NPAS3: variants seen among roughly 807,000 people sequenced by gnomAD.
NPAS3 encodes the protein neuronal PAS domain-containing protein 3.
In NPAS3, 14 loss-of-function variants were observed where a neutral mutation model predicts 73.1. That is an observed-to-expected ratio of 0.19 (90% CI 0.13 to 0.30). The LOEUF (loss-of-function observed/expected upper bound fraction) is 0.30. Among genes scored for constraint, NPAS3 ranks in the 10% least tolerant of loss-of-function variants. The pLI, the probability that NPAS3 is intolerant of heterozygous loss-of-function variation, is 1.00. For synonymous variants in NPAS3, 620 were observed against 541.5 expected (o/e 1.14, Z -2.01); for missense variants, 1,096 against 1,250.0 (o/e 0.88, Z 1.86).
chr14:33,704,323 T>G (rs933474471), intron 6 of NPAS3, among the ~76,000 whole-genome samples: 1 of 152,196 alleles, frequency 6.6e-6, no homozygotes, highest in Admixed American at 6.5e-5. Flanking sequence ...ACAACAGAAT[T>G]GTAGCTAAAA....
chr14:33,208,601 C>T (rs1411485767), intron 2 of NPAS3, among the ~76,000 whole-genome samples: 8 of 151,970 alleles, frequency 5.3e-5, no homozygotes, highest in Non-Finnish European at 1.0e-4. Flanking sequence ...TAGCAGTTGC[C>T]GATGTTTTTT....
At chr14:32,946,542 T>C (rs2036270445) in intron 1 of NPAS3, among the ~76,000 whole-genome samples, 1 of 152,170 alleles carries the variant, frequency 6.6e-6, no homozygotes, top group Non-Finnish European at 1.5e-5. Flanking sequence ...GCAGAATATA[T>C]GCAAGATCTC....
intron 9 of NPAS3, among the ~76,000 whole-genome samples, chr14:33,786,908 C>T (rs576792805): frequency 6.6e-6 from 1 of 152,018 alleles, no homozygotes; most frequent in South Asian, 2.1e-4. Flanking sequence ...ACTCTGATAT[C>T]CCCCAGTGAC....
intron 2 of NPAS3, among the ~76,000 whole-genome samples, chr14:33,209,735 C>A (rs1330077742): frequency 6.6e-6 from 1 of 152,164 alleles, no homozygotes; most frequent in Non-Finnish European, 1.5e-5. Flanking sequence ...CTTAGAAGTA[C>A]TTTAAAAAGG....
intron 5 of NPAS3, among the ~76,000 whole-genome samples, chr14:33,589,157 G>A (rs1242182866): frequency 1.3e-5 from 2 of 152,080 alleles, no homozygotes; most frequent in African/African-American, 4.8e-5. Context: ...TGAATGTCAG[G>A]CTTATAACTA....
At chr14:33,229,314 T>A (rs1048599044) in intron 3 of NPAS3, among the ~76,000 whole-genome samples, 1 of 152,200 alleles carries the variant, frequency 6.6e-6, no homozygotes, top group Admixed American at 6.5e-5. Context: ...TTGAATGAAG[T>A]GTATTTTTAA....
At chr14:33,547,691 T>C (rs998988742) in intron 4 of NPAS3, among the ~76,000 whole-genome samples, 1 of 152,122 alleles carries the variant, frequency 6.6e-6, no homozygotes. Flanking sequence ...AATAAGAACA[T>C]AGAAGGGGCA....
chr14:33,801,302 C>T, downstream of NPAS3: 1 of 1,210,166 alleles, frequency 8.3e-7, no homozygotes. Context: ...TATTTTTTGC[C>T]TTCAGAGGGT....
At position 33,250,947 on chromosome 14, in the gene NPAS3, T is replaced by C. The variant is rs1204234306; in HGVS notation, c.385+35521T>C. On this transcript the variant is annotated intron_variant, in intron 3 of 11. Coordinates refer to ENST00000356141, the Ensembl canonical transcript of NPAS3. Reference sequence around the variant, plus strand: ...ACAACCAAACAAATGCACAAATAGATGTATTTATACTTCTCAAAAGGGGTA... The same window carrying C: ...ACAACCAAACAAATGCACAAATAGACGTATTTATACTTCTCAAAAGGGGTA... Among the ~76,000 whole-genome samples the C allele has an allele frequency of 2.0e-5, 3 of 152,132 alleles. No individual in the cohort carries two copies. In the East Asian group the frequency reaches 5.8e-4, roughly 29 times the overall value.
intron 5 of NPAS3, among the ~76,000 whole-genome samples, chr14:33,563,487 G>A (rs967032130): frequency 1.1e-4 from 15 of 132,262 alleles, no homozygotes; most frequent in African/African-American, 4.5e-4. Context: ...CTCCTCAACA[G>A]TCCTCTTGAC....
chr14:33,246,658 T>C (rs1268296637), intron 3 of NPAS3, among the ~76,000 whole-genome samples: 1 of 150,878 alleles, frequency 6.6e-6, no homozygotes, highest in Non-Finnish European at 1.5e-5. Context: ...TTCTAGTCTT[T>C]GGAAGAGAAT....
intron 3 of NPAS3, among the ~76,000 whole-genome samples, chr14:33,349,422 G>A (rs754950954): frequency 2.6e-5 from 4 of 152,100 alleles, no homozygotes; most frequent in African/African-American, 4.8e-5. Context: ...CTGGTTGACC[G>A]TATTTTATTT....
intron 4 of NPAS3, among the ~76,000 whole-genome samples, chr14:33,531,297 A>G (rs11156798): frequency 0.47 from 71,675 of 151,940 alleles, 20,342 homozygotes; most frequent in African/African-American, 0.81. Context: ...ACCACCCATC[A>G]CAATCTACAT....
At chr14:33,250,329 A>G (rs2048536594) in intron 3 of NPAS3, among the ~76,000 whole-genome samples, 1 of 152,100 alleles carries the variant, frequency 6.6e-6, no homozygotes, top group South Asian at 2.1e-4. Flanking sequence ...ATACAAAAAA[A>G]AAGAAGGAAA....
At chr14:33,067,560 C>G (rs2041322866) in intron 2 of NPAS3, among the ~76,000 whole-genome samples, 1 of 152,208 alleles carries the variant, frequency 6.6e-6, no homozygotes, top group African/African-American at 2.4e-5. Flanking sequence ...ATGTAATGAC[C>G]AACAAGCTTG....
At chr14:33,696,482 T>C (rs1276966978) in intron 6 of NPAS3, among the ~76,000 whole-genome samples, 1 of 152,214 alleles carries the variant, frequency 6.6e-6, no homozygotes, top group African/African-American at 2.4e-5. Context: ...AGCGTTTCAT[T>C]TGAAAAGCTC....
intron 6 of NPAS3, among the ~76,000 whole-genome samples, chr14:33,682,912 G>C (rs986556335): frequency 6.6e-5 from 10 of 152,182 alleles, no homozygotes; most frequent in African/African-American, 2.4e-4. Context: ...AGAAGGCACA[G>C]CTGCAACCCC....
intron 3 of NPAS3, among the ~76,000 whole-genome samples, chr14:33,291,079 G>A (rs1352422234): frequency 6.6e-6 from 1 of 152,032 alleles, no homozygotes; most frequent in East Asian, 1.9e-4. Flanking sequence ...TCTGTAAGGA[G>A]AATGGAAACT....
chr14:32,965,616 A>G (rs1436905723), intron 1 of NPAS3, among the ~76,000 whole-genome samples: 2 of 152,226 alleles, frequency 1.3e-5, no homozygotes, highest in Non-Finnish European at 2.9e-5. Flanking sequence ...TGAATGGGGA[A>G]AAATTGAAAC....
Sources: allele counts gnomAD v4.1 joint callset (sites outside exome capture counted in the v4.1 genomes callset), GRCh38; gene constraint gnomAD v4.1.1; transcripts MANE v1.5; gene names NCBI Gene and HGNC (gene_info 2026-07-23, HGNC 2026-07-21).